The following ADAMTS20 variants were observed in gnomAD, a reference collection of about 807,000 sequenced individuals.
The protein encoded by ADAMTS20 is ADAM metallopeptidase with thrombospondin type 1 motif 20.
ADAMTS20 carries 225 observed loss-of-function variants against 260.1 expected under a neutral mutation model. The observed-to-expected ratio is 0.87, with a 90% CI of 0.78 to 0.97. The LOEUF (loss-of-function observed/expected upper bound fraction) is 0.97, where lower values mean the gene tolerates loss of function less well. ADAMTS20 is among the 50% of genes least tolerant of loss of function. The probability of loss-of-function intolerance (pLI) is 0.00; values close to 1 mark genes in which losing one functional copy is unlikely to be tolerated. For missense variants in ADAMTS20, 2,400 were observed against 2,337.7 expected, an observed-to-expected ratio of 1.03 and a Z score of -0.55; for synonymous variants, 802 against 769.5, an observed-to-expected ratio of 1.04 and a Z score of -0.70.
chr12:43,386,576 G>C (rs1184705502), intron 29 of ADAMTS20, among the ~76,000 whole-genome samples: 2 of 152,178 alleles, frequency 1.3e-5, no homozygotes, highest in Non-Finnish European at 2.9e-5. Flanking sequence ...ATACTAAAGA[G>C]TGCTTTCCAA....
intron 28 of ADAMTS20, among the ~76,000 whole-genome samples, chr12:43,402,633 A>T (rs1396369510): frequency 6.6e-6 from 1 of 152,052 alleles, no homozygotes; most frequent in Admixed American, 6.6e-5. Context: ...AATACATTCT[A>T]AGTTGTAAGG....
At chr12:43,394,048 G>T (rs1238512648) in intron 29 of ADAMTS20, among the ~76,000 whole-genome samples, 1 of 152,072 alleles carries the variant, frequency 6.6e-6, no homozygotes, top group Admixed American at 6.6e-5. Flanking sequence ...ATGTGAGAAA[G>T]TATGAAGATG....
intron 7 of ADAMTS20, among the ~76,000 whole-genome samples, chr12:43,487,410 G>A (rs912265681): frequency 1.4e-5 from 2 of 146,692 alleles, no homozygotes; most frequent in African/African-American, 5.0e-5. Context: ...GACACTGGAA[G>A]CTCGGAAGAG....
intron 36 of ADAMTS20, among the ~76,000 whole-genome samples, 156 bp downstream of exon 36, chr12:43,375,223 G>A (rs1442950761): frequency 6.7e-6 from 1 of 148,732 alleles, no homozygotes; most frequent in Non-Finnish European, 1.5e-5. Context: ...CATTGCAGAG[G>A]AAGTATGTAG....
chr12:43,436,062 C>T (rs947991053), intron 18 of ADAMTS20, among the ~76,000 whole-genome samples: 3 of 150,948 alleles, frequency 2.0e-5, no homozygotes, highest in Non-Finnish European at 4.4e-5. Context: ...ATTCTGAAAA[C>T]GCATAAACGT....
At chr12:43,369,099 A>G (rs966326744) in intron 37 of ADAMTS20, among the ~76,000 whole-genome samples, 191 bp downstream of exon 37, 1 of 152,176 alleles carries the variant, frequency 6.6e-6, no homozygotes, top group Non-Finnish European at 1.5e-5. Context: ...TGCCTTTTAA[A>G]CAAACCCAAA....
chr12:43,419,596 T>C (rs749549580), intron 28 of ADAMTS20, among the ~76,000 whole-genome samples: 7 of 152,262 alleles, frequency 4.6e-5, no homozygotes, highest in South Asian at 2.1e-4. Flanking sequence ...AGAACTGCCA[T>C]GGAAACATGG....
At position 43,501,471 on chromosome 12, in the gene ADAMTS20, G is replaced by GCACACACACA. The variant is rs1341840205; in HGVS notation, c.867+680_867+681insTGTGTGTGTG. Among the ~76,000 whole-genome samples the GCACACACACA allele has an allele frequency of 2.1e-3, 100 of 46,780 alleles. 1 individual carries two copies. In the East Asian group the frequency reaches 0.079, roughly 37 times the overall value. The allele number at this position is 46,780 out of a possible 152,430, so 30.7% of individuals were successfully genotyped here. On this transcript the variant is annotated intron_variant, in intron 4 of 38. Coordinates refer to ENST00000389420, the MANE Select transcript of ADAMTS20 (RefSeq NM_025003.5). ...GTGGTGGAGGGGGATACGCGCGCGC[G>GCACACACACA]CGCGCGCGCGCACACACACACACAC...
intron 24 of ADAMTS20, among the ~76,000 whole-genome samples, chr12:43,429,383 T>G (rs529580684): frequency 1.8e-4 from 28 of 152,312 alleles, no homozygotes; most frequent in African/African-American, 5.8e-4. Context: ...GTATTCCCAT[T>G]TTGAAGATTA....
intron 2 of ADAMTS20, among the ~76,000 whole-genome samples, chr12:43,540,594 A>AT (rs914764800): frequency 2.0e-5 from 3 of 150,584 alleles, no homozygotes; most frequent in Non-Finnish European, 3.0e-5. Context: ...AGCACTTTAA[A>AT]TTTTTTTTTA....
chr12:43,352,906 T>C (rs958870940), downstream of ADAMTS20, among the ~76,000 whole-genome samples: 16 of 152,186 alleles, frequency 1.1e-4, no homozygotes, highest in African/African-American at 3.9e-4. Flanking sequence ...ATATTTCTTT[T>C]GATACAGACA....
intron 32 of ADAMTS20, 27 bp from the exon 33 acceptor site, chr12:43,376,680 A>C: frequency 6.3e-7 from 1 of 1,587,770 alleles, no homozygotes; most frequent in Non-Finnish European, 8.5e-7. Flanking sequence ...ATTTGAAGGC[A>C]AACTATATTA....
intron 26 of ADAMTS20, among the ~76,000 whole-genome samples, 197 bp from the exon 27 acceptor site, chr12:43,427,666 T>G (rs1397736879): frequency 6.6e-6 from 1 of 152,222 alleles, no homozygotes; most frequent in East Asian, 1.9e-4. Flanking sequence ...TAGAATTTGT[T>G]GATGAAAAGG....
chr12:43,435,071 C>T (rs1941524587), intron 18 of ADAMTS20, among the ~76,000 whole-genome samples: 1 of 152,178 alleles, frequency 6.6e-6, no homozygotes, highest in Non-Finnish European at 1.5e-5. Flanking sequence ...GGCAGTGAAA[C>T]TACTATGTAT....
At chr12:43,520,119 G>A (rs79776718) in intron 3 of ADAMTS20, among the ~76,000 whole-genome samples, 3 of 152,008 alleles carry the variant, frequency 2.0e-5, no homozygotes, top group African/African-American at 7.2e-5. Flanking sequence ...CACAAAAAAG[G>A]CTTCTTTTGG....
At chr12:43,367,218 A>G (rs905375103) in intron 37 of ADAMTS20, among the ~76,000 whole-genome samples, 1 of 152,000 alleles carries the variant, frequency 6.6e-6, no homozygotes, top group African/African-American at 2.4e-5. Context: ...TTTCTGTGAT[A>G]CCAAAATGAG....
intron 2 of ADAMTS20, among the ~76,000 whole-genome samples, chr12:43,535,939 G>C (rs61925182): frequency 0.12 from 17,530 of 152,060 alleles, 1,327 homozygotes; most frequent in East Asian, 0.29. Flanking sequence ...CTTGCACTCT[G>C]TTGGAAAGAA....
chr12:43,429,110 CTT>C (rs1171252568), intron 24 of ADAMTS20, among the ~76,000 whole-genome samples: 1 of 151,784 alleles, frequency 6.6e-6, no homozygotes, highest in Non-Finnish European at 1.5e-5. Context: ...GTAAGAGAAT[CTT>C]ATGATATCAA....
At chr12:43,462,842 T>A in intron 11 of ADAMTS20, 53 bp downstream of exon 11, 1 of 1,434,388 alleles carries the variant, frequency 7.0e-7, no homozygotes, top group South Asian at 1.3e-5. Flanking sequence ...TGCAGAGCAA[T>A]CACATCCTTG....
Sources: allele counts gnomAD v4.1 joint callset (sites outside exome capture counted in the v4.1 genomes callset), GRCh38; gene constraint gnomAD v4.1.1; transcripts MANE v1.5; gene names NCBI Gene and HGNC (gene_info 2026-07-23, HGNC 2026-07-21).